MARCHF1: variants seen among roughly 807,000 people sequenced by gnomAD.
MARCHF1 encodes membrane associated ring-CH-type finger 1, also known as E3 ubiquitin-protein ligase MARCHF1.
A neutral mutation model predicts 54.2 loss-of-function variants in MARCHF1; 40 were observed. The ratio of observed to expected loss-of-function variants is 0.74; its 90% CI spans 0.57 to 0.96. The LOEUF is 0.96. Among genes scored for constraint, MARCHF1 ranks in the 40% least tolerant of loss-of-function variants. The probability of loss-of-function intolerance (pLI) is 0.00; values close to 1 mark genes in which losing one functional copy is unlikely to be tolerated. For synonymous variants in MARCHF1, 236 were observed against 236.3 expected (o/e 1.00, Z 0.01); for missense variants, 586 against 656.5 (o/e 0.89, Z 1.17).
At chr4:163,626,890 C>T (rs1240803643) in intron 5 of MARCHF1, among the ~76,000 whole-genome samples, 4 of 152,104 alleles carry the variant, frequency 2.6e-5, no homozygotes, top group Admixed American at 6.5e-5. Flanking sequence ...CATGCCACCG[C>T]ACTTCATCTT....
At chr4:163,752,837 TA>T (rs1746563950) in intron 4 of MARCHF1, among the ~76,000 whole-genome samples, 1 of 152,206 alleles carries the variant, frequency 6.6e-6, no homozygotes, top group African/African-American at 2.4e-5. Context: ...TGTTGAAAAC[TA>T]GAGTTCGACA....
At chr4:163,789,099 C>T (rs1044722343) in intron 4 of MARCHF1, among the ~76,000 whole-genome samples, 1 of 151,814 alleles carries the variant, frequency 6.6e-6, no homozygotes, top group Non-Finnish European at 1.5e-5. Context: ...AGATTTTTCT[C>T]TTTTTCATTT....
In MARCHF1 at chr4:163,854,167, A is replaced by G; in HGVS notation, c.-36T>C. ...CTCTTATCCCTTTTCAATTTCTGAA[A>G]TTCTGAAAATAATTTACATTCCCTG... On this transcript the variant is annotated splice_region_variant and 5_prime_UTR_variant, in exon 4 of 10. Transcript: ENST00000514618. The G allele has an allele frequency of 6.6e-7, 1 of 1,504,870 alleles. No individual in the cohort carries two copies. Among genetic ancestry groups the G allele is most frequent in the Admixed American group, 2.2e-5 (1 of 46,020 alleles). 93.2% of individuals were successfully genotyped at this position (1,504,870 alleles called of 1,614,324 possible).
intron 1 of MARCHF1, among the ~76,000 whole-genome samples, chr4:164,137,992 T>G (rs1465712267): frequency 1.3e-5 from 2 of 152,164 alleles, no homozygotes; most frequent in African/African-American, 4.8e-5. Context: ...ATTGCTTTAC[T>G]CCTTGGCTCA....
chr4:163,740,425 G>T (rs1746162087), intron 4 of MARCHF1, among the ~76,000 whole-genome samples: 1 of 152,186 alleles, frequency 6.6e-6, no homozygotes, highest in Non-Finnish European at 1.5e-5. Context: ...TCAGAGATAA[G>T]GTCAGTTTAT....
Position 163,612,380 on chromosome 4 carries a change from C to T in MARCHF1, c.901G>A (p.Val301Ile). The T allele has an allele frequency of 6.5e-7, 1 of 1,535,408 alleles. No homozygotes were observed. ...TTCATGTCCTTGCTGCCTTCTGGAACTCCCAGTATTTCAGTGCTGGAATCT... is the reference window on the plus strand; with the variant it reads ...TTCATGTCCTTGCTGCCTTCTGGAATTCCCAGTATTTCAGTGCTGGAATCT... ...ETDSSTEILG[V>I]PEGSKDMNDA... The change falls in exon 7 of 10, where the codon GTT becomes ATT. Residue 301 changes from valine to isoleucine, a missense_variant. Around this residue, in one of 3 missense-constraint regions of MARCHF1, gnomAD observed 387 missense variants for 394.6 expected, o/e 0.98. Transcript: ENST00000514618.
At chr4:164,244,242 A>G (rs1377219896) in intron 1 of MARCHF1, among the ~76,000 whole-genome samples, 1 of 152,090 alleles carries the variant, frequency 6.6e-6, no homozygotes, top group Admixed American at 6.5e-5. Context: ...AAGAACAGAA[A>G]TTATAACAAA....
intron 5 of MARCHF1, among the ~76,000 whole-genome samples, chr4:163,640,116 A>G (rs2111030120): frequency 6.6e-6 from 1 of 152,276 alleles, no homozygotes; most frequent in East Asian, 1.9e-4. Context: ...TTACTAGGTT[A>G]GATGATTACA....
chr4:163,621,436 A>C (rs532247246), intron 5 of MARCHF1, among the ~76,000 whole-genome samples: 1 of 152,202 alleles, frequency 6.6e-6, no homozygotes, highest in Non-Finnish European at 1.5e-5. Flanking sequence ...GCCCATCCAG[A>C]GTTAGAAACC....
intron 1 of MARCHF1, among the ~76,000 whole-genome samples, chr4:164,150,423 G>A (rs141135851): frequency 3.9e-5 from 6 of 152,208 alleles, no homozygotes; most frequent in South Asian, 2.1e-4. Flanking sequence ...CAAATAGGTC[G>A]TTACATATAA....
rs972227303 is a variant in MARCHF1, at chr4:163,718,855, G to A, written c.112-17992C>T. On this transcript the variant is annotated intron_variant, in intron 4 of 9. Coordinates refer to ENST00000514618, the MANE Select transcript of MARCHF1 (RefSeq NM_001394959.1). ...AACCTCATGACTCTTCTCTGATATT[G>A]TTCCAGCCGTAGGTGTTAGCATCTG... Among the ~76,000 whole-genome samples the A allele has an allele frequency of 1.1e-4, 16 of 152,272 alleles. No individual in the cohort carries two copies. In the Middle Eastern group the frequency reaches 0.01, roughly 97 times the overall value.
rs1553971149 is a variant in MARCHF1, at chr4:164,027,392, A to AAAAAAAAAAAAAAAAT, written c.-247-38684_-247-38683insATTTTTTTTTTTTTTT. ...AAAAAAAAAAAAAAAAAAAAAAAAA[A>AAAAAAAAAAAAAAAAT]AGATACATAGATAAATGGATCTATA... On this transcript the variant is annotated intron_variant, in intron 2 of 9. Transcript: ENST00000514618. Among the ~76,000 whole-genome samples, 126 of 59,008 alleles carry AAAAAAAAAAAAAAAAT rather than the reference A, an allele frequency of 2.1e-3. 47 individuals carry two copies. Among genetic ancestry groups the AAAAAAAAAAAAAAAAT allele is most frequent in the South Asian group, 5.8e-3 (8 of 1,388 alleles). 38.7% of individuals were successfully genotyped at this position (59,008 alleles called of 152,430 possible).
At chr4:164,332,449 T>G (rs893872146) in intron 1 of MARCHF1, among the ~76,000 whole-genome samples, 1 of 152,230 alleles carries the variant, frequency 6.6e-6, no homozygotes, top group Non-Finnish European at 1.5e-5. Context: ...TAGAATATTG[T>G]ATTGCTGATG....
rs542133420 is a variant in MARCHF1, at chr4:163,728,473, G to A, written c.112-27610C>T. ...TCTAGTTCCTCTTTGATTTCTTTTCGTAGTTTTGGGGTTCTTTTTTCACAT... is the reference window on the plus strand; with the variant it reads ...TCTAGTTCCTCTTTGATTTCTTTTCATAGTTTTGGGGTTCTTTTTTCACAT... On this transcript the variant is annotated intron_variant, in intron 4 of 9. Transcript: ENST00000514618. Among the ~76,000 whole-genome samples, 75 of 152,128 alleles carry A rather than the reference G, an allele frequency of 4.9e-4. 1 individual carries two copies. In the South Asian group the frequency reaches 8.3e-3, roughly 17 times the overall value.
chr4:163,808,257 G>A (rs772230376), intron 4 of MARCHF1, among the ~76,000 whole-genome samples: 2 of 152,142 alleles, frequency 1.3e-5, no homozygotes, highest in African/African-American at 2.4e-5. Context: ...TGGAATGTCC[G>A]TTCTCCATGG....
chr4:163,715,385 A>C (rs1579219646), intron 4 of MARCHF1, among the ~76,000 whole-genome samples: 1 of 152,294 alleles, frequency 6.6e-6, no homozygotes, highest in East Asian at 1.9e-4. Flanking sequence ...AGCTGGGACT[A>C]CAGGCGCCCG....
intron 5 of MARCHF1, among the ~76,000 whole-genome samples, chr4:163,670,442 G>A (rs1743697584): frequency 6.7e-6 from 1 of 150,312 alleles, no homozygotes; most frequent in Non-Finnish European, 1.5e-5. Context: ...TTATATATGT[G>A]GAAAATTTTA....
chr4:164,338,618 A>C (rs1729826874), intron 1 of MARCHF1, among the ~76,000 whole-genome samples: 1 of 152,204 alleles, frequency 6.6e-6, no homozygotes, highest in South Asian at 2.1e-4. Context: ...ATATAAGACA[A>C]AACAGACTTT....
intron 4 of MARCHF1, among the ~76,000 whole-genome samples, chr4:163,848,537 T>C (rs1560786273): frequency 6.6e-6 from 1 of 152,214 alleles, no homozygotes; most frequent in African/African-American, 2.4e-5. Context: ...CTTCGGATTC[T>C]TATGATCTCC....
Sources: allele counts gnomAD v4.1 joint callset (sites outside exome capture counted in the v4.1 genomes callset), GRCh38; gene constraint gnomAD v4.1.1; regional missense constraint gnomAD v4.1.1; transcripts MANE v1.5; gene names NCBI Gene and HGNC (gene_info 2026-07-23, HGNC 2026-07-21).